Variants in TMC5 observed in about 807,000 individuals in gnomAD.
TMC5 encodes the protein transmembrane channel like 5.
Under a neutral mutation model 110.5 loss-of-function variants are expected in TMC5, and 86 were observed. That is an observed-to-expected ratio of 0.78 (90% CI 0.65 to 0.93). The LOEUF (loss-of-function observed/expected upper bound fraction) is 0.93, where lower values mean the gene tolerates loss of function less well. Among genes scored for constraint, TMC5 ranks in the 40% least tolerant of loss-of-function variants. The pLI is 0.00. For synonymous variants in TMC5, 455 were observed against 439.5 expected, an observed-to-expected ratio of 1.04 and a Z score of -0.44; for missense variants, 1,144 against 1,222.8, an observed-to-expected ratio of 0.94 and a Z score of 0.96.
chr16:19,473,708 G>A (rs1437335013), intron 11 of TMC5, among the ~76,000 whole-genome samples: 2 of 152,052 alleles, frequency 1.3e-5, no homozygotes, highest in African/African-American at 4.8e-5. Flanking sequence ...AGCCGGGCGC[G>A]ATGGCTCATG....
At chr16:19,464,886 T>TA (rs371309841) in intron 8 of TMC5, among the ~76,000 whole-genome samples, 435 of 148,088 alleles carry the variant, frequency 2.9e-3, no homozygotes, top group East Asian at 0.018. Flanking sequence ...ACATACTTGA[T>TA]AAAAAAAAAA....
chr16:19,463,396 G>A (rs763431864), intron 7 of TMC5, 29 bp downstream of exon 7: 16 of 1,539,788 alleles, frequency 1.0e-5, no homozygotes, highest in South Asian at 1.1e-5. Flanking sequence ...CACAGCAAGA[G>A]GGTGAAAACA....
chr16:19,492,366 A>G (rs1968929922), intron 19 of TMC5, 138 bp downstream of exon 19: 1 of 470,690 alleles, frequency 2.1e-6, no homozygotes, highest in Middle Eastern at 2.9e-4. Context: ...ATGTTTTTAT[A>G]TTCTTATTTC....
chr16:19,470,039 C>A (rs1160311142), intron 10 of TMC5, among the ~76,000 whole-genome samples: 1 of 151,554 alleles, frequency 6.6e-6, no homozygotes, highest in Non-Finnish European at 1.5e-5. Flanking sequence ...GGACTACAGG[C>A]GCCTGCCACC....
At chr16:19,463,640 T>C in intron 7 of TMC5, 136 bp from the exon 8 acceptor site, 9 of 1,176,764 alleles carry the variant, frequency 7.6e-6, no homozygotes, top group Non-Finnish European at 7.2e-6. Flanking sequence ...ACATAACATT[T>C]GTAAACATGC....
intron 1 of TMC5, among the ~76,000 whole-genome samples, chr16:19,427,913 A>G (rs1967119607): frequency 1.3e-5 from 2 of 152,248 alleles, no homozygotes; most frequent in African/African-American, 2.4e-5. Context: ...ACAGAACATC[A>G]GCCCCTGAAT....
At chr16:19,434,090 T>G (rs1274551424) in intron 2 of TMC5, among the ~76,000 whole-genome samples, 1 of 23,060 alleles carries the variant, frequency 4.3e-5, no homozygotes, top group East Asian at 1.2e-3. Context: ...AATATATATA[T>G]ATCTATAATA....
chr16:19,448,433 C>G (rs1967667390), intron 4 of TMC5, among the ~76,000 whole-genome samples: 1 of 151,588 alleles, frequency 6.6e-6, no homozygotes, highest in Non-Finnish European at 1.5e-5. Context: ...GCCTGGATAA[C>G]ATGGTGAAAC....
chr16:19,447,551 A>G (rs1227821481), intron 4 of TMC5, among the ~76,000 whole-genome samples: 2 of 152,156 alleles, frequency 1.3e-5, no homozygotes, highest in Non-Finnish European at 2.9e-5. Flanking sequence ...AATTCCCACA[A>G]CAATCCTATG....
At chr16:19,492,994 T>C (rs1172269242) in intron 19 of TMC5, among the ~76,000 whole-genome samples, 1 of 147,690 alleles carries the variant, frequency 6.8e-6, no homozygotes, top group African/African-American at 2.5e-5. Flanking sequence ...AGAGTTTCAC[T>C]CTTGTTGCCC....
At chr16:19,490,709 TCTTTCCTTCCTTCCTTCCTTC>T in intron 18 of TMC5, 141 bp downstream of exon 18, 1 of 671,886 alleles carries the variant, frequency 1.5e-6, no homozygotes. Flanking sequence ...TAGGTAGTTT[TCTTTCCTTCCTTCCTTCCTTC>T]CTTCCTTCCT....
chr16:19,449,815 T>C (rs1967707255), intron 5 of TMC5, among the ~76,000 whole-genome samples, 184 bp downstream of exon 5: 1 of 152,158 alleles, frequency 6.6e-6, no homozygotes, highest in African/African-American at 2.4e-5. Context: ...CAGCTTCCCC[T>C]GCACCCACTC....
At chr16:19,433,884 G>A (rs991897215) in intron 2 of TMC5, among the ~76,000 whole-genome samples, 3 of 148,248 alleles carry the variant, frequency 2.0e-5, no homozygotes, top group South Asian at 2.1e-4. Context: ...ACAATGGTGC[G>A]GTCATAGCTC....
At chr16:19,488,820 A>G (rs891841911) in intron 17 of TMC5, among the ~76,000 whole-genome samples, 2 of 152,142 alleles carry the variant, frequency 1.3e-5, no homozygotes, top group African/African-American at 4.8e-5. Flanking sequence ...CGTTTTTCCC[A>G]CCAGAATGTA....
chr16:19,482,600 T>TA (rs1240532200), intron 15 of TMC5, among the ~76,000 whole-genome samples: 3 of 152,178 alleles, frequency 2.0e-5, no homozygotes, highest in Non-Finnish European at 4.4e-5. Context: ...GCTTTGTCCT[T>TA]AGGTTGTTTC....
Position 19,487,173 on chromosome 16 carries a change from G to A in TMC5, c.2440-20G>A. 1.2e-6 allele frequency: 2 copies of A among 1,607,332 alleles called. No homozygotes were observed. The highest frequency in any genetic ancestry group is 8.5e-7 in the Non-Finnish European group (1 of 1,176,172). On this transcript the variant is annotated intron_variant, in intron 16 of 21. Coordinates refer to ENST00000542583, the MANE Select transcript of TMC5 (RefSeq NM_001261841.2). ...GCTGCTCCGGCTGCAGATGGGAGGTGGCTGCCTCTCTCTCTTCAGATCAGC... is the reference window on the plus strand; with the variant it reads ...GCTGCTCCGGCTGCAGATGGGAGGTAGCTGCCTCTCTCTCTTCAGATCAGC...
intron 17 of TMC5, chr16:19,487,745 AAATAAATAAAT>A (rs1968787520): frequency 7.0e-6 from 1 of 143,080 alleles, no homozygotes; most frequent in Non-Finnish European, 1.5e-5. Flanking sequence ...ATAAATAAAT[AAATAAATAAAT>A]AATGTAGGTA....
At chr16:19,415,161 G>A (rs1054259685), upstream of TMC5, among the ~76,000 whole-genome samples, 1 of 152,192 alleles carries the variant, frequency 6.6e-6, no homozygotes, top group Non-Finnish European at 1.5e-5. Flanking sequence ...TATAATTACA[G>A]TTTATAGGGC....
chr16:19,451,787 G>A (rs377408425), intron 5 of TMC5, among the ~76,000 whole-genome samples: 2 of 149,398 alleles, frequency 1.3e-5, no homozygotes, highest in African/African-American at 2.5e-5. Flanking sequence ...CCAGGCCGCC[G>A]GAACTTTTTC....
Sources: gnomAD v4.1 joint callset for allele counts (sites outside exome capture counted in the v4.1 genomes callset) on GRCh38, gnomAD v4.1.1 for gene constraint, MANE v1.5 for transcripts, NCBI Gene and HGNC (gene_info 2026-07-23, HGNC 2026-07-21) for gene names.